OPCML: variants seen among roughly 807,000 people sequenced by gnomAD.
The protein encoded by OPCML is opioid-binding protein/cell adhesion molecule.
A neutral mutation model predicts 37.8 loss-of-function variants in OPCML; 13 were observed. The observed-to-expected ratio is 0.34, with a 90% CI of 0.22 to 0.55. OPCML has a LOEUF of 0.55. Ranked by LOEUF, OPCML falls within the 20% of genes least tolerant of loss-of-function variation. The pLI is 0.91. For missense variants in OPCML, 341 were observed against 435.6 expected (o/e 0.78, Z 1.93); for synonymous variants, 176 against 168.8 (o/e 1.04, Z -0.33).
intron 3 of OPCML, among the ~76,000 whole-genome samples, chr11:132,644,599 T>C (rs2135732198): frequency 6.6e-6 from 1 of 152,334 alleles, no homozygotes; most frequent in Non-Finnish European, 1.5e-5. Context: ...TTTGGTAGCT[T>C]GTATCTCAGC....
intron 1 of OPCML, among the ~76,000 whole-genome samples, chr11:133,470,109 C>A (rs989775961): frequency 2.0e-5 from 3 of 152,140 alleles, no homozygotes; most frequent in Admixed American, 2.0e-4. Flanking sequence ...TGGCAAAGAC[C>A]TCCATTTTCA....
chr11:132,938,205 A>G (rs1012606844), intron 2 of OPCML, among the ~76,000 whole-genome samples: 1 of 152,144 alleles, frequency 6.6e-6, no homozygotes, highest in Non-Finnish European at 1.5e-5. Context: ...TTTAGTATCC[A>G]CCACAGTATC....
At chr11:132,885,510 A>G (rs1425923997) in intron 2 of OPCML, among the ~76,000 whole-genome samples, 15 of 152,174 alleles carry the variant, frequency 9.9e-5, no homozygotes, top group Admixed American at 7.9e-4. Context: ...AATATCACCT[A>G]CTTCACATGA....
chr11:132,563,449 C>T (rs2096415073), intron 3 of OPCML, among the ~76,000 whole-genome samples: 1 of 151,942 alleles, frequency 6.6e-6, no homozygotes, highest in Non-Finnish European at 1.5e-5. Context: ...GCACAATTCA[C>T]CTTCTCTTTG....
At chr11:133,396,214 G>C (rs1314477652) in intron 1 of OPCML, among the ~76,000 whole-genome samples, 1 of 151,616 alleles carries the variant, frequency 6.6e-6, no homozygotes, top group Non-Finnish European at 1.5e-5. Context: ...TACTGATTTG[G>C]GGATACTGAT....
intron 1 of OPCML, chr11:133,007,747 T>C: frequency 1.0e-6 from 1 of 985,020 alleles, no homozygotes; most frequent in Non-Finnish European, 1.2e-6. Flanking sequence ...CCACACAGAG[T>C]GGTGAAAAGA....
At chr11:132,910,768 T>C (rs551682247) in intron 2 of OPCML, among the ~76,000 whole-genome samples, 2 of 152,342 alleles carry the variant, frequency 1.3e-5, no homozygotes, top group Admixed American at 1.3e-4. Context: ...TGATGGAGCT[T>C]AACAGACAGC....
intron 1 of OPCML, chr11:133,421,439 T>C (rs1264968674): frequency 1.0e-6 from 1 of 985,336 alleles, no homozygotes; most frequent in African/African-American, 1.7e-5. Flanking sequence ...CTAGTTGCTC[T>C]TGTTAGGGCT....
intron 1 of OPCML, among the ~76,000 whole-genome samples, chr11:133,474,735 C>T (rs999200255): frequency 6.6e-6 from 1 of 152,154 alleles, no homozygotes; most frequent in Non-Finnish European, 1.5e-5. Context: ...TTGGCCTGAA[C>T]CTACTTCTTT....
chr11:133,008,270 T>G (rs961332552), intron 1 of OPCML: 1 of 985,274 alleles, frequency 1.0e-6, no homozygotes, highest in Non-Finnish European at 1.2e-6. Flanking sequence ...GGGTGAATCA[T>G]AGAGAGTTGA....
At chr11:132,761,369 G>A (rs977230737) in intron 2 of OPCML, among the ~76,000 whole-genome samples, 3 of 152,004 alleles carry the variant, frequency 2.0e-5, no homozygotes, top group Non-Finnish European at 2.9e-5. Context: ...CTAGGTTGGG[G>A]AAGTTCTACT....
At chr11:133,225,914 TCAAA>T (rs2136374529) in intron 1 of OPCML, among the ~76,000 whole-genome samples, 1 of 152,344 alleles carries the variant, frequency 6.6e-6, no homozygotes, top group East Asian at 1.9e-4. Context: ...CAAATATTCT[TCAAA>T]CAGCTTCCCA....
intron 4 of OPCML, among the ~76,000 whole-genome samples, chr11:132,512,589 A>G (rs1445639236): frequency 1.3e-5 from 2 of 152,134 alleles, no homozygotes; most frequent in African/African-American, 2.4e-5. Flanking sequence ...AAACAAGAGT[A>G]TATGTTCTAA....
chr11:133,463,666 T>C (rs1308395613), intron 1 of OPCML, among the ~76,000 whole-genome samples: 1 of 152,132 alleles, frequency 6.6e-6, no homozygotes, highest in East Asian at 1.9e-4. Context: ...TCAATAAACA[T>C]CTTCATTCAA....
At chr11:132,890,781 C>T (rs1001902001) in intron 2 of OPCML, among the ~76,000 whole-genome samples, 9 of 146,090 alleles carry the variant, frequency 6.2e-5, no homozygotes, top group East Asian at 2.1e-4. Context: ...GGCGTGACCC[C>T]GGGAAGCAGA....
chr11:132,880,529 A>C (rs1434002111), intron 2 of OPCML, among the ~76,000 whole-genome samples: 3 of 152,254 alleles, frequency 2.0e-5, no homozygotes, highest in Non-Finnish European at 4.4e-5. Flanking sequence ...GCTGAAAACA[A>C]AACTGGGCCC....
At chr11:132,757,668 T>A (rs561332184) in intron 2 of OPCML, among the ~76,000 whole-genome samples, 1 of 152,228 alleles carries the variant, frequency 6.6e-6, no homozygotes, top group Non-Finnish European at 1.5e-5. Context: ...TGTAAAATTG[T>A]TTAAGTTCCT....
chr11:133,047,887 A>C (rs1948051505), intron 1 of OPCML, among the ~76,000 whole-genome samples: 1 of 152,220 alleles, frequency 6.6e-6, no homozygotes, highest in Admixed American at 6.5e-5. Context: ...GATGTTAGCC[A>C]GGCTTCCTCT....
intron 4 of OPCML, among the ~76,000 whole-genome samples, chr11:132,463,710 A>T (rs1050257696): frequency 6.6e-6 from 1 of 152,216 alleles, no homozygotes; most frequent in Non-Finnish European, 1.5e-5. Context: ...AGACTGCTAG[A>T]TAAATAGTCC....
Sources: allele counts gnomAD v4.1 joint callset (sites outside exome capture counted in the v4.1 genomes callset), GRCh38; gene constraint gnomAD v4.1.1; transcripts MANE v1.5; gene names NCBI Gene and HGNC (gene_info 2026-07-23, HGNC 2026-07-21).